The following EPHB2 variants were observed in gnomAD, a reference collection of about 807,000 sequenced individuals.
EPHB2 encodes the protein ephrin type-B receptor 2.
Under a neutral mutation model 96.4 loss-of-function variants are expected in EPHB2, and 18 were observed. That is an observed-to-expected ratio of 0.19 (90% CI 0.13 to 0.28). The LOEUF (loss-of-function observed/expected upper bound fraction) is 0.28, where lower values mean the gene tolerates loss of function less well. Among genes scored for constraint, EPHB2 ranks in the 10% least tolerant of loss-of-function variants. EPHB2 has a pLI of 1.00. For missense variants in EPHB2, 989 were observed against 1,355.4 expected, an observed-to-expected ratio of 0.73 and a Z score of 4.25; for synonymous variants, 506 against 534.1, an observed-to-expected ratio of 0.95 and a Z score of 0.72.
At chr1:22,747,179 C>G (rs1643988214) in intron 1 of EPHB2, among the ~76,000 whole-genome samples, 1 of 152,212 alleles carries the variant, frequency 6.6e-6, no homozygotes, top group Non-Finnish European at 1.5e-5. Flanking sequence ...GGTTCAGTCA[C>G]CGGACTGAGG....
At chr1:22,801,484 C>G (rs191141274) in intron 3 of EPHB2, among the ~76,000 whole-genome samples, 2 of 152,110 alleles carry the variant, frequency 1.3e-5, no homozygotes, top group South Asian at 4.2e-4. Context: ...CGAACTTCAC[C>G]GAGAGCAGGT....
intron 1 of EPHB2, among the ~76,000 whole-genome samples, chr1:22,755,576 T>C: frequency 6.6e-6 from 1 of 152,112 alleles, no homozygotes; most frequent in Middle Eastern, 3.2e-3. Context: ...GCCATCTCAC[T>C]AGGAGGGGCT....
rs781301341 is a variant in EPHB2, at chr1:22,906,764, T to A, written c.1943T>A (p.Ile648Asn). 65 of 1,613,940 alleles carry A rather than the reference T, an allele frequency of 4.0e-5. No individual in the cohort carries two copies. The highest frequency in any genetic ancestry group is 5.3e-5 in the Non-Finnish European group (63 of 1,180,024). ...GHLKLPGKRE[I>N]FVAIKTLKSG... is the part of the protein sequence containing the mutation. ...CTGAAGCTGCCAGGCAAGAGAGAGA[T>A]CTTTGTGGCCATCAAGACGCTCAAG... Residue 648 changes from isoleucine to asparagine, a missense_variant, in exon 11 of 16, where the codon ATC (isoleucine) becomes AAC (asparagine). Physicochemically the swap from Ile to Asn is moderately radical, Grantham distance 149 (BLOSUM62 -3). Transcript: ENST00000374630. This position sits in a 1 kb window ranked among gnomAD's most constrained non-coding sequence, Gnocchi z 4.8.
At chr1:22,911,955 T>C (rs1036984793) in intron 14 of EPHB2, among the ~76,000 whole-genome samples, 5 of 152,150 alleles carry the variant, frequency 3.3e-5, no homozygotes, top group African/African-American at 1.2e-4. Flanking sequence ...CCACCAGCCT[T>C]AGCTGGGCTT....
intron 1 of EPHB2, among the ~76,000 whole-genome samples, chr1:22,761,018 G>A (rs1644227698): frequency 6.6e-6 from 1 of 152,176 alleles, no homozygotes; most frequent in Non-Finnish European, 1.5e-5. Context: ...AGAGCCAGTG[G>A]TCTTGCCAAG....
intron 1 of EPHB2, among the ~76,000 whole-genome samples, chr1:22,715,596 A>G (rs1643272411): frequency 6.6e-6 from 1 of 152,244 alleles, no homozygotes; most frequent in Non-Finnish European, 1.5e-5. Context: ...TAGCCAGGAA[A>G]TCAGGGCTTA....
chr1:22,800,801 C>G (rs1371853435), intron 3 of EPHB2, among the ~76,000 whole-genome samples: 1 of 151,972 alleles, frequency 6.6e-6, no homozygotes, highest in Non-Finnish European at 1.5e-5. Context: ...CACACACTCT[C>G]TCTCTCTTTC....
At chr1:22,718,326 G>T (rs1265083819) in intron 1 of EPHB2, among the ~76,000 whole-genome samples, 1 of 151,020 alleles carries the variant, frequency 6.6e-6, no homozygotes, top group Admixed American at 6.6e-5. Context: ...TCTTTGCCCA[G>T]TGCCTGCCAG....
At chr1:22,889,615 A>G (rs1439795697) in intron 6 of EPHB2, among the ~76,000 whole-genome samples, 1 of 152,160 alleles carries the variant, frequency 6.6e-6, no homozygotes, top group Non-Finnish European at 1.5e-5. Context: ...AATAGGTGGG[A>G]GGGGAGACAA....
At position 22,882,499 on chromosome 1, in the gene EPHB2, G is replaced by C. The variant is rs1557733290; in HGVS notation, c.1428+16G>C. The stretch of plus-strand genomic sequence containing the variant: ...CTATGAGAAGGTACCTATTGGCTGG[G>C]TGCTGTCCCCATCACCCACCTCCCT... On this transcript the variant is annotated intron_variant, in intron 6 of 15. Transcript: ENST00000374630. The C allele has an allele frequency of 6.2e-7, 1 of 1,613,420 alleles. No individual in the cohort carries two copies. The highest frequency in any genetic ancestry group is 8.5e-7 in the Non-Finnish European group (1 of 1,179,552).
At chr1:22,761,957 G>A (rs1297600108) in intron 1 of EPHB2, among the ~76,000 whole-genome samples, 1 of 152,260 alleles carries the variant, frequency 6.6e-6, no homozygotes, top group African/African-American at 2.4e-5. Context: ...GCCTTGCTCA[G>A]TGTGTGTGAG....
intron 1 of EPHB2, 84 bp from the exon 2 acceptor site, chr1:22,781,334 AAAG>A (rs1364160251): frequency 7.9e-6 from 10 of 1,264,538 alleles, no homozygotes; most frequent in African/African-American, 4.6e-5. Flanking sequence ...AAAAAAAAAA[AAAG>A]AAGAAGAAGG....
chr1:22,734,422 C>CTTTTTT (rs66686608), intron 1 of EPHB2, among the ~76,000 whole-genome samples: 1 of 135,676 alleles, frequency 7.4e-6, no homozygotes, highest in Admixed American at 7.4e-5. Flanking sequence ...TGTCAATATT[C>CTTTTTT]TTTTTTTTTT....
At position 22,827,433 on chromosome 1, in the gene EPHB2, T is replaced by C. The variant is rs1466726826; in HGVS notation, c.812-35604T>C. ...GTCCCCAGTGTATTCTCCGCAAGGG[T>C]CCAGTGGCCGCCAGCCTGGCCTTTA... is the stretch of plus-strand genomic sequence containing the variant. On this transcript the variant is annotated intron_variant, in intron 3 of 15. Transcript: ENST00000374630. Among the ~76,000 whole-genome samples the C allele has an allele frequency of 2.0e-5, 3 of 152,074 alleles. No homozygotes were observed. In the East Asian group the frequency reaches 5.8e-4, roughly 29 times the overall value.
intron 3 of EPHB2, among the ~76,000 whole-genome samples, chr1:22,787,212 G>A (rs548137636): frequency 2.0e-5 from 3 of 152,316 alleles, no homozygotes; most frequent in East Asian, 3.9e-4. Context: ...TACAGTGGGC[G>A]CAGAAAATGA....
intron 1 of EPHB2, among the ~76,000 whole-genome samples, chr1:22,740,416 G>C (rs1375641766): frequency 1.3e-5 from 2 of 152,202 alleles, no homozygotes; most frequent in African/African-American, 2.4e-5. Context: ...GTGGTACCCA[G>C]TATGGTCATT....
At chr1:22,869,814 C>T (rs1638599554) in intron 5 of EPHB2, among the ~76,000 whole-genome samples, 1 of 152,198 alleles carries the variant, frequency 6.6e-6, no homozygotes, top group African/African-American at 2.4e-5. Flanking sequence ...AGCACCATGG[C>T]CTTCTAGTTC....
intron 9 of EPHB2, among the ~76,000 whole-genome samples, chr1:22,897,629 A>G (rs1316005650): frequency 6.6e-6 from 1 of 151,998 alleles, no homozygotes; most frequent in East Asian, 1.9e-4. Context: ...TCTACTAAAA[A>G]TACAAAATTT....
chr1:22,801,704 C>T (rs530892532), intron 3 of EPHB2, among the ~76,000 whole-genome samples: 146 of 152,334 alleles, frequency 9.6e-4, no homozygotes, highest in Non-Finnish European at 7.6e-4. Flanking sequence ...GGCCCTCAGC[C>T]TCTGTCACTT....
Sources: gnomAD v4.1 joint callset for allele counts (sites outside exome capture counted in the v4.1 genomes callset) on GRCh38, gnomAD v4.1.1 for gene constraint, Gnocchi (gnomAD v3.1) non-coding constraint, MANE v1.5 for transcripts, NCBI Gene and HGNC (gene_info 2026-07-23, HGNC 2026-07-21) for gene names.